KLC2: variants seen among roughly 807,000 people sequenced by gnomAD.
KLC2 encodes kinesin light chain 2.
Under a neutral mutation model 75.1 loss-of-function variants are expected in KLC2, and 35 were observed. The observed-to-expected ratio is 0.47, with a 90% confidence interval of 0.36 to 0.62. The LOEUF is 0.62. Ranked by LOEUF, KLC2 falls within the 20% of genes least tolerant of loss-of-function variation. The pLI, the probability that KLC2 is intolerant of heterozygous loss-of-function variation, is 0.00. For missense variants in KLC2, 611 were observed against 833.2 expected (o/e 0.73, Z 3.28); for synonymous variants, 314 against 336.7 (o/e 0.93, Z 0.74).
rs762354533 is a variant in KLC2, at chr11:66,258,834, T to G, written c.228+12T>G. 6.3e-7 allele frequency: 1 copy of G among 1,590,118 alleles called. No individual in the cohort carries two copies. The highest frequency in any genetic ancestry group is 8.6e-7 in the Non-Finnish European group (1 of 1,161,400). On this transcript the variant is annotated intron_variant, in intron 2 of 15. Transcript: ENST00000394067. ...TGGGGGAGGCCCAGGTAGGTCAGTC[T>G]GGGGCACTGAGGTGGGAGGTCACTG...
At position 66,263,966 on chromosome 11, in the gene KLC2, G is replaced by A; in HGVS notation, c.942+14G>A. ...ATCCGGGAGAAGGTGGGAACAGGCA[G>A]GGCTGGGCAGGCTGGGGGTCTGGGA... On this transcript the variant is annotated intron_variant, in intron 7 of 15. Transcript: ENST00000394067. 6.2e-7 allele frequency: 1 copy of A among 1,613,506 alleles called. No individual in the cohort carries two copies. The highest frequency in any genetic ancestry group is 8.5e-7 in the Non-Finnish European group (1 of 1,179,512).
the KLC2 span, chr11:66,246,058 C>T: frequency 6.6e-6 from 1 of 152,270 alleles, no homozygotes; most frequent in Admixed American, 6.5e-5. Context: ...GGCTTGGGGA[C>T]CCAGCTGTGT....
At chr11:66,262,069 A>T (rs1856472410) in intron 3 of KLC2, 54 bp from the exon 4 acceptor site, 7 of 1,591,030 alleles carry the variant, frequency 4.4e-6, no homozygotes, top group Non-Finnish European at 6.0e-6. Context: ...GCCCATGGAC[A>T]CCCCGGCTGC....
chr11:66,264,952 C>G, intron 9 of KLC2, 71 bp from the exon 10 acceptor site: 1 of 1,504,654 alleles, frequency 6.6e-7, no homozygotes, highest in Non-Finnish European at 9.2e-7. Flanking sequence ...CCCCTGACCC[C>G]AGTCCTGTGT....
rs1378804139 is a variant in KLC2 at position 66,263,853 on chromosome 11, G to A, written c.843G>A (p.Val281=). The change falls in exon 7 of 16, where the codon GTG becomes GTA. Residue 281 remains valine, a splice_region_variant and synonymous_variant. Transcript: ENST00000394067. ...AGCTTCCGTTCTCCCACCTCCAGGT[G>A]GCTGCGACACTAAACAACCTGGCAG... ...EKTLGKDHPA[V]AATLNNLAVL... is the part of the protein sequence containing the mutation. 1.9e-6 allele frequency: 3 copies of A among 1,613,948 alleles called. No homozygotes were observed. Among genetic ancestry groups the A allele is most frequent in the Admixed American group, 1.7e-5 (1 of 60,032 alleles).
In KLC2 at chr11:66,263,838, C is replaced by G. The variant is rs771127202; in HGVS notation, c.841-13C>G. On this transcript the variant is annotated splice_polypyrimidine_tract_variant and intron_variant, in intron 6 of 15. Coordinates refer to ENST00000394067, the MANE Select transcript of KLC2 (RefSeq NM_001318734.2). Reference sequence around the variant, plus strand: ...GGGCCTGAGTCAAGAAGCTTCCGTTCTCCCACCTCCAGGTGGCTGCGACAC... The same window carrying G: ...GGGCCTGAGTCAAGAAGCTTCCGTTGTCCCACCTCCAGGTGGCTGCGACAC... 6.2e-7 allele frequency: 1 copy of G among 1,612,442 alleles called. No individual in the cohort carries two copies. Among genetic ancestry groups the G allele is most frequent in the South Asian group, 1.1e-5 (1 of 91,052 alleles).
chr11:66,265,073 G>C lies in KLC2; in HGVS notation c.1266+1G>C. On this transcript the variant is annotated splice_donor_variant, in intron 10 of 15. Coordinates refer to ENST00000394067, the MANE Select transcript of KLC2 (RefSeq NM_001318734.2). LOFTEE classifies it high-confidence loss of function. The stretch of plus-strand genomic sequence containing the variant: ...CGCAGAGGAGCGGGAGGAAAGCAAG[G>C]TAGCTCTGTGGGGCAGGCTGGGCGG... The C allele has an allele frequency of 6.2e-7, 1 of 1,611,644 alleles. No individual in the cohort carries two copies. Among genetic ancestry groups the C allele is most frequent in the Non-Finnish European group, 8.5e-7 (1 of 1,178,070 alleles).
chr11:66,266,675 A>G, intron 15 of KLC2, 185 bp downstream of exon 15: 2 of 846,580 alleles, frequency 2.4e-6, no homozygotes, highest in Non-Finnish European at 4.0e-6. Flanking sequence ...GGACGTGTAA[A>G]CGGCCAGTGC....
intron 14 of KLC2, 102 bp from the exon 15 acceptor site, chr11:66,266,331 A>C (rs1323163027): frequency 7.1e-5 from 105 of 1,485,526 alleles, no homozygotes; most frequent in Non-Finnish European, 9.5e-5. Context: ...CTCAGGCTCC[A>C]CCACCCACCA....
At chr11:66,260,604 TC>T (rs1347300750) in intron 2 of KLC2, among the ~76,000 whole-genome samples, 3 of 151,938 alleles carry the variant, frequency 2.0e-5, no homozygotes, top group African/African-American at 7.3e-5. Flanking sequence ...AAATAATTTT[TC>T]TTTTTTTTTT....
Position 66,265,862 on chromosome 11 carries a change from C to T in KLC2, c.1452C>T (p.Asp484=), listed in dbSNP as rs374035236. 5.9e-5 allele frequency: 93 copies of T among 1,573,114 alleles called. No individual in the cohort carries two copies. Among genetic ancestry groups the T allele is most frequent in the Non-Finnish European group, 6.7e-5 (77 of 1,155,474 alleles). The part of the protein sequence containing the change: ...CASRNRKQGL[D]PASQTKVVEL... Reference sequence around the variant, plus strand: ...CCCTGCCCCTCCCTCAGGGTTTGGACCCCGCAAGCCAGACCAAGGTGGTAG... The same window carrying T: ...CCCTGCCCCTCCCTCAGGGTTTGGATCCCGCAAGCCAGACCAAGGTGGTAG... The change falls in exon 13 of 16, where the codon GAC becomes GAT. Residue 484 remains aspartate (D), a synonymous_variant. Coordinates refer to ENST00000394067, the MANE Select transcript of KLC2 (RefSeq NM_001318734.2).
chr11:66,260,284 C>T (rs943721669), intron 2 of KLC2, among the ~76,000 whole-genome samples: 2 of 152,148 alleles, frequency 1.3e-5, no homozygotes, highest in African/African-American at 4.8e-5. Context: ...ACATTCACTC[C>T]CTGCCAGTTG....
intron 9 of KLC2, 59 bp from the exon 10 acceptor site, chr11:66,264,964 C>T: frequency 6.4e-7 from 1 of 1,569,684 alleles, no homozygotes; most frequent in Admixed American, 1.8e-5. Flanking sequence ...GTCCTGTGTC[C>T]AGCCCAACCA....
In KLC2 at chr11:66,262,206, G is replaced by A. The variant is rs1204404357; in HGVS notation, c.529+14G>A. Reference sequence around the variant, plus strand: ...AGCAGAGCCCAGGTGCGGATGGGCAGTTCTGGAGTGGGGGAAGGAAAGGTT... The same window carrying A: ...AGCAGAGCCCAGGTGCGGATGGGCAATTCTGGAGTGGGGGAAGGAAAGGTT... On this transcript the variant is annotated intron_variant, in intron 4 of 15. Coordinates refer to ENST00000394067, the MANE Select transcript of KLC2 (RefSeq NM_001318734.2). The A allele has an allele frequency of 6.2e-7, 1 of 1,606,888 alleles. No homozygotes were observed. The highest frequency in any genetic ancestry group is 8.5e-7 in the Non-Finnish European group (1 of 1,174,078).
At chr11:66,253,861 TG>T (rs1855982730), upstream of KLC2, among the ~76,000 whole-genome samples, 1 of 152,164 alleles carries the variant, frequency 6.6e-6, no homozygotes, top group Admixed American at 6.5e-5. Context: ...AGCCCACAGA[TG>T]GTGAGCAGAA....
At chr11:66,249,753 G>A in the KLC2 span, among the ~76,000 whole-genome samples, 2 of 152,166 alleles carry the variant, frequency 1.3e-5, no homozygotes, top group Middle Eastern at 6.8e-3. Context: ...CAAGACTCCT[G>A]ATTTCCCTTG....
upstream of KLC2, among the ~76,000 whole-genome samples, chr11:66,254,247 C>G (rs1327916687): frequency 1.3e-5 from 2 of 152,122 alleles, no homozygotes; most frequent in South Asian, 2.1e-4. Context: ...ACAAAAAAGC[C>G]CATTGAGCCC....
the KLC2 span, among the ~76,000 whole-genome samples, chr11:66,245,774 C>T: frequency 5.1e-3 from 779 of 152,230 alleles, 3 homozygotes; most frequent in African/African-American, 0.018. Context: ...CTCAGCTACT[C>T]AGGAGGCTGA....
upstream of KLC2, chr11:66,257,660 C>T (rs748845174): frequency 2.2e-4 from 33 of 152,282 alleles, no homozygotes; most frequent in Non-Finnish European, 4.3e-4. Flanking sequence ...TGGAGCCGGC[C>T]CGGCCCGCGC....
Sources: gnomAD v4.1 joint callset for allele counts (sites outside exome capture counted in the v4.1 genomes callset) on GRCh38, gnomAD v4.1.1 for gene constraint, MANE v1.5 for transcripts, NCBI Gene and HGNC (gene_info 2026-07-23, HGNC 2026-07-21) for gene names.